Variants in DIP2A observed in about 807,000 individuals in gnomAD.
The protein encoded by DIP2A is disco-interacting protein 2 homolog A.
In DIP2A, 85 loss-of-function variants were observed where a neutral mutation model predicts 177.4. That is an observed-to-expected ratio of 0.48 (90% CI 0.40 to 0.57). The LOEUF (loss-of-function observed/expected upper bound fraction) is 0.57. Ranked by LOEUF, DIP2A falls within the 20% of genes least tolerant of loss-of-function variation. DIP2A has a pLI of 0.00. For synonymous variants in DIP2A, 886 were observed against 881.8 expected, an observed-to-expected ratio of 1.00 and a Z score of -0.08; for missense variants, 1,791 against 2,100.2, an observed-to-expected ratio of 0.85 and a Z score of 2.88.
At chr21:46,491,895 A>G (rs2057037499) in intron 3 of DIP2A, among the ~76,000 whole-genome samples, 1 of 152,188 alleles carries the variant, frequency 6.6e-6, no homozygotes, top group African/African-American at 2.4e-5. Flanking sequence ...TATCATAAAT[A>G]TGATTTGCCA....
intron 3 of DIP2A, among the ~76,000 whole-genome samples, chr21:46,491,271 C>T (rs180957685): frequency 0.046 from 6,089 of 132,114 alleles, 184 homozygotes; most frequent in Non-Finnish European, 0.073. Flanking sequence ...AACTTGAGCA[C>T]GTTATCTATT....
At position 46,509,348 on chromosome 21, in the gene DIP2A, T is replaced by C; in HGVS notation, c.876T>C (p.Phe292=). The stretch of plus-strand genomic sequence containing the variant: ...AGCGCCCTCCACTGAAGGAGTTCTT[T>C]GTGGATGATTTTGAGGAATTGTTGG... The part of the protein sequence containing the change: ...RPKRPPLKEF[F]VDDFEELLEV... The change falls in exon 7 of 38, where the codon TTT becomes TTC. Residue 292 remains phenylalanine (F), a synonymous_variant. Coordinates refer to ENST00000417564, the MANE Select transcript of DIP2A (RefSeq NM_015151.4). The C allele has an allele frequency of 1.2e-6, 2 of 1,612,676 alleles. No individual in the cohort carries two copies. Among genetic ancestry groups the C allele is most frequent in the Non-Finnish European group, 1.7e-6 (2 of 1,179,456 alleles).
intron 8 of DIP2A, among the ~76,000 whole-genome samples, chr21:46,521,205 C>A (rs2058808283): frequency 1.3e-5 from 2 of 151,040 alleles, no homozygotes; most frequent in Admixed American, 1.3e-4. Flanking sequence ...TTTTTTTTTC[C>A]TGAGACGGAG....
chr21:46,498,749 C>G lies in DIP2A; in HGVS notation c.571C>G (p.Pro191Ala), dbSNP rs7283507. The G allele has an allele frequency of 0.075, 121,125 of 1,613,814 alleles. 5,199 individuals are homozygous for G. Among genetic ancestry groups the G allele is most frequent in the Non-Finnish European group, 0.089 (105,513 of 1,179,838 alleles). ...CACCTCATCTCACCCGGGAGGGAGA[C>G]CCACCACTGCTCCCAGTGCTGCAGC... Reference protein sequence around the residue: ...SSTSSHPGGRPTTAPSAAATP... With the variant: ...SSTSSHPGGRATTAPSAAATP... The change falls in exon 5 of 38, where the codon CCC becomes GCC. Residue 191 changes from proline to alanine, a missense_variant. Pro to Ala is a conservative substitution (Grantham distance 27). Coordinates refer to ENST00000417564, the MANE Select transcript of DIP2A (RefSeq NM_015151.4). This position sits in a 1 kb window ranked among gnomAD's most constrained non-coding sequence, Gnocchi z 4.3.
Position 46,459,047 on chromosome 21 carries a change from G to A in DIP2A, c.-85G>A, listed in dbSNP as rs1473628559. 1.7e-6 allele frequency: 2 copies of A among 1,157,802 alleles called. No individual in the cohort carries two copies. The highest frequency in any genetic ancestry group is 2.3e-6 in the Non-Finnish European group (2 of 872,510). The allele number at this position is 1,157,802 out of a possible 1,614,324, so 71.7% of individuals were successfully genotyped here. A position where few individuals can be genotyped will look rare whatever the true frequency, so the allele number is the denominator to read the frequency against. On this transcript the variant is annotated 5_prime_UTR_variant, in exon 1 of 38. Transcript: ENST00000417564. Reference sequence around the variant, plus strand: ...TGGCGGATGTAGGTTGTTGGCCTGAGGGGAGCTACGTAGCCGAGGTTTGCG... The same window carrying A: ...TGGCGGATGTAGGTTGTTGGCCTGAAGGGAGCTACGTAGCCGAGGTTTGCG...
intron 2 of DIP2A, among the ~76,000 whole-genome samples, chr21:46,487,958 G>A (rs990183747): frequency 2.0e-5 from 3 of 152,204 alleles, no homozygotes; most frequent in Non-Finnish European, 4.4e-5. Flanking sequence ...AGGATTGGAA[G>A]TGACCCATTA....
At chr21:46,566,829 C>A (rs1016368725) in intron 37 of DIP2A, 146 bp downstream of exon 37, 3 of 1,117,984 alleles carry the variant, frequency 2.7e-6, no homozygotes, top group Non-Finnish European at 3.8e-6. Flanking sequence ...TGCAGTGGAG[C>A]TGGGTGCCAT....
At chr21:46,474,032 A>G (rs115999895) in intron 1 of DIP2A, among the ~76,000 whole-genome samples, 1,729 of 152,340 alleles carry the variant, frequency 0.011, 29 homozygotes, top group African/African-American at 0.039. Flanking sequence ...GTTAGCTTGA[A>G]AAACCCATTG....
chr21:46,567,228 A>G lies in DIP2A; in HGVS notation c.4464-142A>G. The G allele has an allele frequency of 3.2e-6, 4 of 1,252,778 alleles. No homozygotes were observed. The South Asian group carries it at 4.4e-5, about 14-fold the overall frequency. 77.6% of individuals were successfully genotyped at this position (1,252,778 alleles called of 1,614,324 possible). Reference sequence around the variant, plus strand: ...CATCCTGTAAAATGGATCTGGCCTGATCTTTAGATTGTAAATGGCCTTAAA... The same window carrying G: ...CATCCTGTAAAATGGATCTGGCCTGGTCTTTAGATTGTAAATGGCCTTAAA... On this transcript the variant is annotated intron_variant, in intron 37 of 37. Coordinates refer to ENST00000417564, the MANE Select transcript of DIP2A (RefSeq NM_015151.4).
chr21:46,566,007 G>A (rs185423285), intron 36 of DIP2A, 120 bp downstream of exon 36: 21 of 1,105,574 alleles, frequency 1.9e-5, no homozygotes, highest in South Asian at 1.3e-4. Flanking sequence ...TGCTCCTTGT[G>A]GGGGGAAGAT....
At chr21:46,561,980 ATTAC>A (rs2060680664) in intron 34 of DIP2A, 175 bp downstream of exon 34, 5 of 926,042 alleles carry the variant, frequency 5.4e-6, no homozygotes, top group Non-Finnish European at 6.4e-6. Flanking sequence ...GGTATATAGA[ATTAC>A]TTAGTTATGT....
chr21:46,487,897 G>A (rs955188875), intron 2 of DIP2A, among the ~76,000 whole-genome samples: 4 of 152,200 alleles, frequency 2.6e-5, no homozygotes, highest in African/African-American at 9.6e-5. Context: ...GTTAGTGTGT[G>A]AACATAATGT....
intron 1 of DIP2A, among the ~76,000 whole-genome samples, chr21:46,473,205 T>C (rs960994108): frequency 8.5e-5 from 13 of 152,148 alleles, no homozygotes; most frequent in African/African-American, 3.1e-4. Context: ...ACTCAGTGAA[T>C]CTTGTAAACA....
At chr21:46,493,956 A>G (rs376024926) in intron 3 of DIP2A, among the ~76,000 whole-genome samples, 12 of 151,976 alleles carry the variant, frequency 7.9e-5, no homozygotes, top group African/African-American at 2.9e-4. Context: ...CTCCCTTCCC[A>G]TATGGTTTCA....
At chr21:46,480,281 C>T (rs7277463) in intron 1 of DIP2A, among the ~76,000 whole-genome samples, 121,044 of 152,018 alleles carry the variant, frequency 0.8, 48,383 homozygotes, top group African/African-American at 0.84. Flanking sequence ...GGCAAGAGGG[C>T]GTGTGCAGGG....
At position 46,511,491 on chromosome 21, in the gene DIP2A, G is replaced by T; in HGVS notation, c.979G>T (p.Ala327Ser). The part of the protein sequence containing the change: ...TSVLRGEPLT[A>S]GVPRPPSLLA... Reference sequence around the variant, plus strand: ...TGTGCTGAGAGGGGAGCCTCTCACTGCAGGTGTCCCCCGACCGCCGTCGCT... The same window carrying T: ...TGTGCTGAGAGGGGAGCCTCTCACTTCAGGTGTCCCCCGACCGCCGTCGCT... The change falls in exon 8 of 38, where the codon GCA becomes TCA. Residue 327 changes from alanine (A) to serine (S), a missense_variant. Coordinates refer to ENST00000417564, the MANE Select transcript of DIP2A (RefSeq NM_015151.4). 6.2e-7 allele frequency: 1 copy of T among 1,613,128 alleles called. No homozygotes were observed. The highest frequency in any genetic ancestry group is 2.2e-5 in the East Asian group (1 of 44,834).
At chr21:46,514,089 C>T (rs1462381511) in intron 8 of DIP2A, among the ~76,000 whole-genome samples, 3 of 151,964 alleles carry the variant, frequency 2.0e-5, no homozygotes, top group African/African-American at 7.3e-5. Context: ...ATTTTCTCTA[C>T]TGATTTGTTG....
chr21:46,470,384 G>T (rs1181696747), intron 1 of DIP2A, among the ~76,000 whole-genome samples: 1 of 151,890 alleles, frequency 6.6e-6, no homozygotes, highest in Non-Finnish European at 1.5e-5. Context: ...TGAGGCGGGA[G>T]AATCACTTGA....
rs1287718134 is a variant in DIP2A, at chr21:46,538,526, C to G, written c.1845C>G (p.Leu615=). 8 of 1,559,538 alleles carry G rather than the reference C, an allele frequency of 5.1e-6. No individual in the cohort carries two copies. The highest frequency in any genetic ancestry group is 6.1e-6 in the Non-Finnish European group (7 of 1,154,678). ...AGTCGCGAGACATGCACTGGTCTCT[C>G]CTAGCTCAGCGGGGCCAGAGGGACG... The part of the protein sequence containing the change: ...LVKSRDMHWS[L]LAQRGQRDVS... Residue 615 remains leucine (L), a synonymous_variant, in exon 16 of 38, where the codon CTC becomes CTG. Transcript: ENST00000417564.
Sources: gnomAD v4.1 joint callset for allele counts (sites outside exome capture counted in the v4.1 genomes callset) on GRCh38, gnomAD v4.1.1 for gene constraint, Gnocchi (gnomAD v3.1) non-coding constraint, MANE v1.5 for transcripts, NCBI Gene and HGNC (gene_info 2026-07-23, HGNC 2026-07-21) for gene names.